Variants in DPP6 observed in about 807,000 individuals in gnomAD.
DPP6 encodes the protein dipeptidyl peptidase like 6, also known as A-type potassium channel modulatory protein DPP6.
DPP6 carries 69 observed loss-of-function variants against 122.6 expected under a neutral mutation model. The observed-to-expected ratio is 0.56, with a 90% CI of 0.46 to 0.69. The LOEUF (loss-of-function observed/expected upper bound fraction) is 0.69. Ranked by LOEUF, DPP6 falls within the 30% of genes least tolerant of loss-of-function variation. The pLI, the probability that DPP6 is intolerant of heterozygous loss-of-function variation, is 0.00. For synonymous variants in DPP6, 418 were observed against 433.1 expected (o/e 0.97, Z 0.43); for missense variants, 928 against 1,116.9 (o/e 0.83, Z 2.41).
At chr7:154,526,798 A>G (rs984500652) in intron 3 of DPP6, among the ~76,000 whole-genome samples, 1 of 152,206 alleles carries the variant, frequency 6.6e-6, no homozygotes, top group African/African-American at 2.4e-5. Flanking sequence ...CATGAGAGGC[A>G]GTGTATCTAC....
intron 1 of DPP6, among the ~76,000 whole-genome samples, chr7:154,375,350 A>G (rs565107627): frequency 6.6e-6 from 1 of 152,228 alleles, no homozygotes; most frequent in East Asian, 1.9e-4. Flanking sequence ...GTGGAGGGGT[A>G]GGAAATGGAG....
intron 1 of DPP6, among the ~76,000 whole-genome samples, chr7:154,436,859 CACTT>C (rs1586267100): frequency 6.6e-6 from 1 of 152,166 alleles, no homozygotes; most frequent in East Asian, 1.9e-4. Flanking sequence ...GTGAACCACT[CACTT>C]AGTGTAGTTT....
intron 10 of DPP6, among the ~76,000 whole-genome samples, chr7:154,790,188 A>G (rs1007681050): frequency 3.3e-5 from 5 of 152,162 alleles, no homozygotes; most frequent in African/African-American, 1.2e-4. Context: ...ACAGAGCGAG[A>G]CTCCGTCTAA....
At chr7:154,571,258 T>C (rs889476540) in intron 5 of DPP6, among the ~76,000 whole-genome samples, 1 of 152,206 alleles carries the variant, frequency 6.6e-6, no homozygotes. Flanking sequence ...TTGAGATATA[T>C]TTGACAAATA....
chr7:154,849,677 G>T (rs982153701), intron 16 of DPP6, among the ~76,000 whole-genome samples: 3 of 152,238 alleles, frequency 2.0e-5, no homozygotes, highest in Admixed American at 6.5e-5. Flanking sequence ...TTGCCTAATT[G>T]CTCTTGCTAA....
At chr7:154,404,982 A>C (rs1175499433) in intron 1 of DPP6, among the ~76,000 whole-genome samples, 1 of 152,244 alleles carries the variant, frequency 6.6e-6, no homozygotes, top group Non-Finnish European at 1.5e-5. Context: ...TAATAATAAC[A>C]AATGTGTTTT....
chr7:154,678,013 A>T lies in DPP6; in HGVS notation c.762+8572A>T, dbSNP rs181659699. On this transcript the variant is annotated intron_variant, in intron 7 of 25. Coordinates refer to ENST00000377770, the MANE Select transcript of DPP6 (RefSeq NM_130797.4). Reference sequence around the variant, plus strand: ...GTAAACGCAGGGATCAGCACTCTGTAAAAACACACCAATCAGAGCTCCTGT... The same window carrying T: ...GTAAACGCAGGGATCAGCACTCTGTTAAAACACACCAATCAGAGCTCCTGT... Among the ~76,000 whole-genome samples the T allele has an allele frequency of 2.0e-5, 3 of 152,330 alleles. No individual in the cohort carries two copies. The East Asian group carries it at 5.8e-4, about 29-fold the overall frequency.
chr7:154,610,490 C>T (rs1352369969), intron 5 of DPP6, among the ~76,000 whole-genome samples: 1 of 152,130 alleles, frequency 6.6e-6, no homozygotes, highest in Non-Finnish European at 1.5e-5. Flanking sequence ...CTTGTAGGTA[C>T]CAAGTTGTGA....
At chr7:153,748,292 T>C in the DPP6 span, among the ~76,000 whole-genome samples, 1 of 151,252 alleles carries the variant, frequency 6.6e-6, no homozygotes, top group Non-Finnish European at 1.5e-5. Flanking sequence ...CCGGGAAGAT[T>C]TGGCGGCTGG....
intron 1 of DPP6, among the ~76,000 whole-genome samples, chr7:154,385,265 A>G (rs1379639676): frequency 3.3e-5 from 5 of 152,016 alleles, no homozygotes; most frequent in Non-Finnish European, 7.4e-5. Flanking sequence ...ATTTTTCATC[A>G]AATGCTTGGC....
chr7:154,482,819 G>A (rs528607974), intron 3 of DPP6, among the ~76,000 whole-genome samples: 1 of 152,142 alleles, frequency 6.6e-6, no homozygotes, highest in Non-Finnish European at 1.5e-5. Context: ...GGAGGTGGTA[G>A]TGTATAGAAA....
chr7:153,996,467 T>G (rs1311661655), intron 1 of DPP6, among the ~76,000 whole-genome samples: 2 of 151,800 alleles, frequency 1.3e-5, no homozygotes, highest in African/African-American at 4.8e-5. Context: ...TCCTAGCAGA[T>G]AGACATGGCA....
intron 1 of DPP6, among the ~76,000 whole-genome samples, chr7:154,255,793 C>T (rs1376097381): frequency 6.6e-6 from 1 of 152,186 alleles, no homozygotes; most frequent in East Asian, 1.9e-4. Flanking sequence ...GACAATACTA[C>T]ATAGTAGACA....
rs962294176 is a variant in DPP6 at position 154,535,383 on chromosome 7, T to G, written c.458-5149T>G. Among the ~76,000 whole-genome samples the G allele has an allele frequency of 6.3e-5, 4 of 63,610 alleles. No homozygotes were observed. In the Admixed American group the frequency reaches 6.9e-4, roughly 11 times the overall value. The allele number at this position is 63,610 out of a possible 152,430, so 41.7% of individuals were successfully genotyped here. A position where few individuals can be genotyped will look rare whatever the true frequency, so the allele number is the denominator to read the frequency against. ...TACAAAAAATAGATTTCATTCACTT[T>G]AGATTTTTTTTTTTTATTATTATAC... is the stretch of plus-strand genomic sequence containing the variant. On this transcript the variant is annotated intron_variant, in intron 3 of 25. Transcript: ENST00000377770.
intron 1 of DPP6, among the ~76,000 whole-genome samples, chr7:154,138,850 C>T (rs890881865): frequency 1.2e-4 from 19 of 152,222 alleles, no homozygotes; most frequent in African/African-American, 4.1e-4. Flanking sequence ...CATCAGATGA[C>T]CAAAGTGAAG....
chr7:154,689,947 C>T (rs181959747), intron 7 of DPP6, among the ~76,000 whole-genome samples: 1 of 152,260 alleles, frequency 6.6e-6, no homozygotes, highest in East Asian at 1.9e-4. Context: ...TGGAACAATA[C>T]AGCCATGTTA....
At chr7:154,417,665 A>C (rs1425794560) in intron 1 of DPP6, among the ~76,000 whole-genome samples, 1 of 152,142 alleles carries the variant, frequency 6.6e-6, no homozygotes, top group East Asian at 1.9e-4. Context: ...CAGTTCATTC[A>C]TCTTATTTCC....
At chr7:154,598,029 A>G (rs1328616566) in intron 5 of DPP6, among the ~76,000 whole-genome samples, 1 of 152,180 alleles carries the variant, frequency 6.6e-6, no homozygotes, top group Non-Finnish European at 1.5e-5. Context: ...GTCCCTTTCT[A>G]AGTCCTGAGG....
intron 1 of DPP6, among the ~76,000 whole-genome samples, chr7:153,911,727 A>G (rs981306646): frequency 2.6e-5 from 4 of 152,222 alleles, no homozygotes; most frequent in Admixed American, 1.3e-4. Flanking sequence ...GCATGCAGAG[A>G]ATATAGGAGG....
Sources: allele counts gnomAD v4.1 joint callset (sites outside exome capture counted in the v4.1 genomes callset), GRCh38; gene constraint gnomAD v4.1.1; transcripts MANE v1.5; gene names NCBI Gene and HGNC (gene_info 2026-07-23, HGNC 2026-07-21).